NEDD9: variants seen among roughly 807,000 people sequenced by gnomAD.
The protein encoded by NEDD9 is neural precursor cell expressed, developmentally down-regulated 9.
Under a neutral mutation model 76.6 loss-of-function variants are expected in NEDD9, and 26 were observed. The ratio of observed to expected loss-of-function variants is 0.34; its 90% CI spans 0.25 to 0.47. NEDD9 has a LOEUF of 0.47. Among genes scored for constraint, NEDD9 ranks in the 20% least tolerant of loss-of-function variants. NEDD9 has a pLI of 1.00. For missense variants in NEDD9, 937 were observed against 1,058.5 expected (o/e 0.89, Z 1.59); for synonymous variants, 392 against 414.2 (o/e 0.95, Z 0.65).
intron 3 of NEDD9, chr6:11,305,336 T>C (rs1761154150): frequency 5.8e-6 from 2 of 344,624 alleles, no homozygotes; most frequent in Non-Finnish European, 1.1e-5. Flanking sequence ...TGGCTCCAGG[T>C]CAACTCTACT....
intron 3 of NEDD9, among the ~76,000 whole-genome samples, chr6:11,285,803 C>G (rs1760635393): frequency 6.6e-6 from 1 of 152,120 alleles, no homozygotes; most frequent in Non-Finnish European, 1.5e-5. Context: ...ACTTGGATAT[C>G]AGTATTCAAA....
chr6:11,282,689 A>G (rs1295768520), intron 3 of NEDD9, among the ~76,000 whole-genome samples: 4 of 152,230 alleles, frequency 2.6e-5, no homozygotes, highest in Non-Finnish European at 4.4e-5. Context: ...CCTTCAACAT[A>G]TATCACATAT....
chr6:11,284,887 T>C (rs893721197), intron 3 of NEDD9, among the ~76,000 whole-genome samples: 3 of 151,944 alleles, frequency 2.0e-5, no homozygotes, highest in Admixed American at 2.0e-4. Context: ...TCTAAGTCTT[T>C]AGTGAGCTTA....
intron 1 of NEDD9, among the ~76,000 whole-genome samples, chr6:11,347,766 C>G (rs77718987): frequency 6.6e-6 from 1 of 152,178 alleles, no homozygotes; most frequent in Non-Finnish European, 1.5e-5. Context: ...AAACTCTCAA[C>G]AAACTAGGTA....
At chr6:11,243,963 C>T (rs1166718798) in intron 3 of NEDD9, among the ~76,000 whole-genome samples, 1 of 152,204 alleles carries the variant, frequency 6.6e-6, no homozygotes, top group Non-Finnish European at 1.5e-5. Context: ...TGATCAAACA[C>T]TAGTCTAGAC....
chr6:11,327,609 T>A (rs1390295221), intron 2 of NEDD9, among the ~76,000 whole-genome samples: 1 of 152,232 alleles, frequency 6.6e-6, no homozygotes, highest in Admixed American at 6.5e-5. Flanking sequence ...GATCACCTGA[T>A]AACTTCAGTG....
intron 1 of NEDD9, among the ~76,000 whole-genome samples, chr6:11,346,018 A>G (rs1198451270): frequency 2.0e-5 from 3 of 152,222 alleles, no homozygotes; most frequent in African/African-American, 7.2e-5. Context: ...GGCATCTCCT[A>G]CAACACCATG....
chr6:11,203,743 T>C (rs972897456), intron 2 of NEDD9, among the ~76,000 whole-genome samples: 3 of 152,132 alleles, frequency 2.0e-5, no homozygotes, highest in African/African-American at 7.2e-5. Context: ...TTTTTTTGGG[T>C]ACAGGACCCA....
At chr6:11,295,300 C>T (rs539286894) in intron 3 of NEDD9, among the ~76,000 whole-genome samples, 7 of 152,170 alleles carry the variant, frequency 4.6e-5, no homozygotes, top group South Asian at 4.2e-4. Flanking sequence ...TGTATGAGTG[C>T]GTTTTATTTT....
intron 3 of NEDD9, among the ~76,000 whole-genome samples, chr6:11,284,262 C>G (rs1760597501): frequency 6.6e-6 from 1 of 151,924 alleles, no homozygotes; most frequent in Admixed American, 6.6e-5. Flanking sequence ...TAAGAGCAAA[C>G]CTACTGGCTG....
At chr6:11,321,849 T>C (rs1294048029) in intron 2 of NEDD9, among the ~76,000 whole-genome samples, 3 of 152,190 alleles carry the variant, frequency 2.0e-5, no homozygotes, top group Admixed American at 1.3e-4. Flanking sequence ...TTTTAGAAAG[T>C]ATCTGTGAAC....
At chr6:11,358,116 C>CT (rs1762612833) in intron 1 of NEDD9, among the ~76,000 whole-genome samples, 6 of 152,078 alleles carry the variant, frequency 3.9e-5, no homozygotes, top group Admixed American at 2.0e-4. Context: ...GGCGTGCGTG[C>CT]TGCATGCCTG....
chr6:11,232,424 A>T, intron 1 of NEDD9, 80 bp downstream of exon 1: 1 of 1,549,798 alleles, frequency 6.5e-7, no homozygotes, highest in Non-Finnish European at 8.9e-7. Flanking sequence ...GACTGACAGT[A>T]AGGAACACGC....
chr6:11,203,464 A>G (rs1327138135), intron 2 of NEDD9, among the ~76,000 whole-genome samples: 1 of 152,182 alleles, frequency 6.6e-6, no homozygotes, highest in East Asian at 1.9e-4. Context: ...GATTGGTATC[A>G]TTTCTTCCTA....
chr6:11,186,928 A>G (rs1450789986), intron 6 of NEDD9, among the ~76,000 whole-genome samples: 2 of 152,078 alleles, frequency 1.3e-5, no homozygotes, highest in Non-Finnish European at 2.9e-5. Flanking sequence ...CAACAGCTTT[A>G]CTTTTCTAGA....
chr6:11,196,463 T>G, intron 2 of NEDD9, among the ~76,000 whole-genome samples: 1 of 152,204 alleles, frequency 6.6e-6, no homozygotes, highest in East Asian at 1.9e-4. Context: ...TTTCCTTGCC[T>G]TTGTGGATCT....
intron 3 of NEDD9, among the ~76,000 whole-genome samples, chr6:11,242,477 C>A (rs1395234343): frequency 1.3e-5 from 2 of 152,068 alleles, no homozygotes; most frequent in Admixed American, 6.6e-5. Flanking sequence ...AAAGGCTGTG[C>A]CCTCCTGGCC....
At chr6:11,362,989 T>C (rs1266635631) in intron 1 of NEDD9, among the ~76,000 whole-genome samples, 2 of 152,252 alleles carry the variant, frequency 1.3e-5, no homozygotes, top group Non-Finnish European at 2.9e-5. Flanking sequence ...GCATTGATGA[T>C]GCATAATTTT....
rs372132962 is a variant in NEDD9, at chr6:11,362,332, C to T, written c.-214+19807G>A. On this transcript the variant is annotated intron_variant, in intron 1 of 3. Coordinates refer to the NEDD9 transcript ENST00000397378. ...TACAAGCCGCCTAGTCTATAGTACT[C>T]GGTTCTAGCAGTCCAAACTTATGAG... Among the ~76,000 whole-genome samples, 13 of 152,302 alleles carry T rather than the reference C, an allele frequency of 8.5e-5. No homozygotes were observed. In the East Asian group the frequency reaches 9.6e-4, roughly 11 times the overall value.
Sources: gnomAD v4.1 joint callset for allele counts (sites outside exome capture counted in the v4.1 genomes callset) on GRCh38, gnomAD v4.1.1 for gene constraint, MANE v1.5 for transcripts, NCBI Gene and HGNC (gene_info 2026-07-23, HGNC 2026-07-21) for gene names.